Variants in ZNF610 observed in about 807,000 individuals in gnomAD.
ZNF610 encodes zink finger protein.
A neutral mutation model predicts 14.1 loss-of-function variants in ZNF610; 14 were observed. The ratio of observed to expected loss-of-function variants is 0.99; its 90% CI spans 0.65 to 1.55. ZNF610 has a LOEUF of 1.55. Among genes scored for constraint, ZNF610 ranks in the 40% most tolerant of loss-of-function variants. The probability of loss-of-function intolerance (pLI) is 0.00; values close to 1 mark genes in which losing one functional copy is unlikely to be tolerated. For synonymous variants in ZNF610, 185 were observed against 187.6 expected, an observed-to-expected ratio of 0.99 and a Z score of 0.11; for missense variants, 530 against 558.0, an observed-to-expected ratio of 0.95 and a Z score of 0.51.
Position 52,336,346 on chromosome 19 carries a change from T to C in ZNF610, c.-418T>C. 3.5e-6 allele frequency: 1 copy of C among 285,560 alleles called. No individual in the cohort carries two copies. Among genetic ancestry groups the C allele is most frequent in the South Asian group, 3.2e-5 (1 of 31,504 alleles). 17.7% of individuals were successfully genotyped at this position (285,560 alleles called of 1,614,324 possible). A position where few individuals can be genotyped will look rare whatever the true frequency, so the allele number is the denominator to read the frequency against. ...GCTTCCCAGCTCCCCCGCGCTTCTG[T>C]ACCCGGGATCTGAGAGTCAACACAG... On this transcript the variant is annotated 5_prime_UTR_variant, in exon 1 of 6. Coordinates refer to ENST00000403906, the MANE Select transcript of ZNF610 (RefSeq NM_001161425.2).
At chr19:52,360,602 T>C (rs1985730191) in intron 5 of ZNF610, among the ~76,000 whole-genome samples, 1 of 152,150 alleles carries the variant, frequency 6.6e-6, no homozygotes, top group Non-Finnish European at 1.5e-5. Context: ...ATGTGTAGAG[T>C]GTTTCTATCA....
intron 5 of ZNF610, among the ~76,000 whole-genome samples, chr19:52,356,080 G>A (rs565555481): frequency 6.6e-6 from 1 of 152,332 alleles, no homozygotes; most frequent in South Asian, 2.1e-4. Flanking sequence ...CCTCATTAGA[G>A]CAGATCACAC....
chr19:52,349,613 C>T (rs1239485047), intron 3 of ZNF610, among the ~76,000 whole-genome samples: 9 of 150,872 alleles, frequency 6.0e-5, no homozygotes, highest in African/African-American at 2.0e-4. Context: ...TGCTGTGTCA[C>T]CCAGGCTGGA....
Position 52,365,960 on chromosome 19 carries a change from A to G in ZNF610, c.582A>G (p.Lys194=). The G allele has an allele frequency of 6.2e-7, 1 of 1,614,066 alleles. No homozygotes were observed. The highest frequency in any genetic ancestry group is 8.5e-7 in the Non-Finnish European group (1 of 1,180,004). The change falls in exon 6 of 6, where the codon AAA becomes AAG. Residue 194 remains lysine, a synonymous_variant. Transcript: ENST00000403906. ...IDFPLLPQEE[K]AYIRGKSYEY... ...TCCCATTACTCCCACAAGAAGAGAA[A>G]GCATACATTAGAGGAAAATCTTATG... is the stretch of plus-strand genomic sequence containing the variant.
At position 52,366,683 on chromosome 19, in the gene ZNF610, G is replaced by A; in HGVS notation, c.1305G>A (p.Lys435=). 1 of 1,614,176 alleles carries A rather than the reference G, an allele frequency of 6.2e-7. No homozygotes were observed. Among genetic ancestry groups the A allele is most frequent in the African/African-American group, 1.3e-5 (1 of 75,036 alleles). ...CTTACAAGTGTAATGCATGTGGCAA[G>A]GTCTTCAATCAAAATCCACACCTTT... ...ERPYKCNACG[K]VFNQNPHLSR... Residue 435 remains lysine, a synonymous_variant, in exon 6 of 6, where the codon AAG becomes AAA. Coordinates refer to ENST00000403906, the MANE Select transcript of ZNF610 (RefSeq NM_001161425.2).
chr19:52,353,859 C>A, intron 4 of ZNF610, 51 bp downstream of exon 4: 9 of 1,563,838 alleles, frequency 5.8e-6, no homozygotes, highest in Non-Finnish European at 6.9e-6. Flanking sequence ...TCTGTCTTTG[C>A]ATTTTCTCTT....
rs768413713 is a variant in ZNF610 at position 52,346,159 on chromosome 19, C to T, written c.-257-1548C>T. Among the ~76,000 whole-genome samples, 25 of 150,990 alleles carry T rather than the reference C, an allele frequency of 1.7e-4. 1 individual carries two copies. Among genetic ancestry groups the T allele is most frequent in the Non-Finnish European group, 2.8e-4 (19 of 67,966 alleles). On this transcript the variant is annotated intron_variant, in intron 1 of 5. Coordinates refer to ENST00000403906, the MANE Select transcript of ZNF610 (RefSeq NM_001161425.2). ...GATTACAGGTGCCTGCCACTACACC[C>T]GGCTAAAGTTTGTATTTTGTTTTTT...
intron 4 of ZNF610, 80 bp from the exon 5 acceptor site, chr19:52,354,171 T>C: frequency 6.4e-7 from 1 of 1,564,680 alleles, no homozygotes; most frequent in Non-Finnish European, 8.7e-7. Flanking sequence ...CCATTTGCGA[T>C]ATCCCCTCTC....
At chr19:52,361,627 ATTT>A (rs201099640) in intron 5 of ZNF610, among the ~76,000 whole-genome samples, 1 of 150,482 alleles carries the variant, frequency 6.6e-6, no homozygotes, top group South Asian at 2.1e-4. Flanking sequence ...TAATTTAAAA[ATTT>A]TTTTTTTCAA....
chr19:52,354,580 A>ATTTTTTTT (rs201439857), intron 5 of ZNF610, among the ~76,000 whole-genome samples: 1 of 123,588 alleles, frequency 8.1e-6, no homozygotes, highest in Non-Finnish European at 1.7e-5. Context: ...AAGCCATACT[A>ATTTTTTTT]TTTTTTTTTT....
chr19:52,366,176 C>T lies in ZNF610; in HGVS notation c.798C>T (p.Asp266=). 1 of 1,613,536 alleles carries T rather than the reference C, an allele frequency of 6.2e-7. No homozygotes were observed. The highest frequency in any genetic ancestry group is 8.5e-7 in the Non-Finnish European group (1 of 1,179,644). The change falls in exon 6 of 6, where the codon GAC becomes GAT. Residue 266 remains aspartate (D), a synonymous_variant. Coordinates refer to ENST00000403906, the MANE Select transcript of ZNF610 (RefSeq NM_001161425.2). ...AGCCTTACAAATGTAGTGAATGTGA[C>T]AAGGTGTTTAATCGCAATTCAAACC... ...GQKPYKCSEC[D]KVFNRNSNLA... is the part of the protein sequence containing the mutation.
chr19:52,354,616 T>G (rs908782094), intron 5 of ZNF610, among the ~76,000 whole-genome samples: 6 of 148,410 alleles, frequency 4.0e-5, no homozygotes. Flanking sequence ...TCTCACTCCG[T>G]TGCCCAGGCT....
intron 5 of ZNF610, among the ~76,000 whole-genome samples, chr19:52,364,047 T>C (rs755939541): frequency 6.6e-6 from 1 of 152,220 alleles, no homozygotes; most frequent in Admixed American, 6.5e-5. Context: ...AGATTGAAGT[T>C]ACATAAAACA....
intron 3 of ZNF610, among the ~76,000 whole-genome samples, chr19:52,350,504 C>G (rs1442906191): frequency 6.6e-6 from 1 of 151,696 alleles, no homozygotes; most frequent in Non-Finnish European, 1.5e-5. Flanking sequence ...ATAGTGAAAC[C>G]CTGTCTCTAC....
Position 52,366,242 on chromosome 19 carries a change from C to T in ZNF610, c.864C>T (p.His288=). 1 of 1,614,150 alleles carries T rather than the reference C, an allele frequency of 6.2e-7. No individual in the cohort carries two copies. ...GAATTCATACTGGAGAGAAGCCTCA[C>T]AAATGTAACGAATGTGGCAAAGCTT... ...HQRIHTGEKP[H]KCNECGKAFR... The change falls in exon 6 of 6, where the codon CAC becomes CAT. Residue 288 remains histidine, a synonymous_variant. Transcript: ENST00000403906.
At chr19:52,339,413 C>T (rs1227977052) in intron 1 of ZNF610, among the ~76,000 whole-genome samples, 1 of 147,330 alleles carries the variant, frequency 6.8e-6, no homozygotes, top group Non-Finnish European at 1.5e-5. Flanking sequence ...CCTGGTTTTC[C>T]TAGGCAGAGT....
chr19:52,338,786 G>T (rs959327816), intron 1 of ZNF610, among the ~76,000 whole-genome samples: 4 of 152,154 alleles, frequency 2.6e-5, no homozygotes, highest in African/African-American at 9.7e-5. Context: ...CCACTGAAGG[G>T]GTGGCCTGCC....
chr19:52,362,779 G>A (rs1157559600), intron 5 of ZNF610, among the ~76,000 whole-genome samples: 1 of 152,014 alleles, frequency 6.6e-6, no homozygotes, highest in Admixed American at 6.6e-5. Flanking sequence ...TCAATACTTT[G>A]TAGACTTCTA....
At position 52,366,613 on chromosome 19, in the gene ZNF610, A is replaced by C; in HGVS notation, c.1235A>C (p.Lys412Thr). Residue 412 changes from lysine to threonine, a missense_variant, in exon 6 of 6, where the codon AAA (lysine) becomes ACA (threonine). Physicochemically the swap from Lys to Thr is moderately conservative, Grantham distance 78. Coordinates refer to ENST00000403906, the MANE Select transcript of ZNF610 (RefSeq NM_001161425.2). ...GAATGTGACAAAGTCTTTGGGCGCA[A>C]ATTATACCTAACCAACCATCAGAGA... is the stretch of plus-strand genomic sequence containing the variant. ...CNECDKVFGRKLYLTNHQRIH... is the reference protein window; with the variant it reads ...CNECDKVFGRTLYLTNHQRIH... 1 of 1,614,238 alleles carries C rather than the reference A, an allele frequency of 6.2e-7. No individual in the cohort carries two copies. Among genetic ancestry groups the C allele is most frequent in the Non-Finnish European group, 8.5e-7 (1 of 1,180,042 alleles).
Sources: allele counts gnomAD v4.1 joint callset (sites outside exome capture counted in the v4.1 genomes callset), GRCh38; gene constraint gnomAD v4.1.1; transcripts MANE v1.5; gene names NCBI Gene and HGNC (gene_info 2026-07-23, HGNC 2026-07-21).